The following CSMD3 variants were observed in gnomAD, a reference collection of about 807,000 sequenced individuals.
CSMD3 encodes CUB and Sushi multiple domains 3, also known as CUB and sushi domain-containing protein 3.
CSMD3 carries 177 observed loss-of-function variants against 435.2 expected under a neutral mutation model. That is an observed-to-expected ratio of 0.41 (90% CI 0.36 to 0.46). The LOEUF (loss-of-function observed/expected upper bound fraction) is 0.46, where lower values mean the gene tolerates loss of function less well. Among genes scored for constraint, CSMD3 ranks in the 20% least tolerant of loss-of-function variants. The pLI, the probability that CSMD3 is intolerant of heterozygous loss-of-function variation, is 0.34. For synonymous variants in CSMD3, 1,656 were observed against 1,520.5 expected (o/e 1.09, Z -2.07); for missense variants, 4,265 against 4,504.6 (o/e 0.95, Z 1.52).
At chr8:113,017,618 T>C (rs182206492) in intron 6 of CSMD3, among the ~76,000 whole-genome samples, 2 of 151,808 alleles carry the variant, frequency 1.3e-5, no homozygotes, top group African/African-American at 2.4e-5. Flanking sequence ...CTTAACTAAT[T>C]GTAGAAAGGA....
At position 112,573,604 on chromosome 8, in the gene CSMD3, T is replaced by C; in HGVS notation, c.3939A>G (p.Ala1313=). The C allele has an allele frequency of 6.2e-7, 1 of 1,613,290 alleles. No individual in the cohort carries two copies. The highest frequency in any genetic ancestry group is 1.1e-5 in the South Asian group (1 of 91,076). The part of the protein sequence containing the change: ...TTHLLGAFTG[A]SMRGLTLSST... Reference sequence around the variant, plus strand: ...TACTAAGTGTCAGTCCGCGCATAGATGCACCAGTAAAAGCACCTAGTAGAT... The same window carrying C: ...TACTAAGTGTCAGTCCGCGCATAGACGCACCAGTAAAAGCACCTAGTAGAT... Residue 1313 remains alanine (A), a synonymous_variant, in exon 24 of 71, where the codon GCA becomes GCG. Coordinates refer to ENST00000297405, the MANE Select transcript of CSMD3 (RefSeq NM_198123.2).
intron 22 of CSMD3, among the ~76,000 whole-genome samples, chr8:112,589,830 T>C (rs1291783486): frequency 6.6e-6 from 1 of 152,052 alleles, no homozygotes; most frequent in Non-Finnish European, 1.5e-5. Flanking sequence ...ATCCAACCGG[T>C]AAAGGCGAGT....
At chr8:113,145,793 T>G (rs1007678243) in intron 4 of CSMD3, among the ~76,000 whole-genome samples, 1 of 151,644 alleles carries the variant, frequency 6.6e-6, no homozygotes, top group Admixed American at 6.6e-5. Context: ...TCTTTATGGA[T>G]AAATGAATAT....
chr8:113,003,878 T>C (rs1388353839), intron 6 of CSMD3, among the ~76,000 whole-genome samples: 2 of 152,210 alleles, frequency 1.3e-5, no homozygotes, highest in Non-Finnish European at 2.9e-5. Flanking sequence ...GCTTTGTCAA[T>C]GTATCTCTAT....
intron 31 of CSMD3, among the ~76,000 whole-genome samples, chr8:112,488,978 C>T (rs1820414451): frequency 6.6e-6 from 1 of 151,854 alleles, no homozygotes; most frequent in African/African-American, 2.4e-5. Flanking sequence ...ATATGAGCTA[C>T]TTTTTTATTA....
chr8:112,408,634 C>G (rs1227621270), intron 33 of CSMD3, among the ~76,000 whole-genome samples: 1 of 151,936 alleles, frequency 6.6e-6, no homozygotes, highest in African/African-American at 2.4e-5. Context: ...CATATTGCCT[C>G]ATTCTTCAAA....
chr8:112,525,821 TAAAAA>T (rs200958191), intron 27 of CSMD3, among the ~76,000 whole-genome samples: 1 of 132,520 alleles, frequency 7.5e-6, no homozygotes. Flanking sequence ...CACACACATA[TAAAAA>T]ATATATATAT....
chr8:113,407,617 G>T (rs1451014657), intron 1 of CSMD3, among the ~76,000 whole-genome samples: 1 of 151,758 alleles, frequency 6.6e-6, no homozygotes, highest in Non-Finnish European at 1.5e-5. Context: ...GGTTGCCCTG[G>T]TTTGTAGCAC....
intron 59 of CSMD3, among the ~76,000 whole-genome samples, chr8:112,273,253 CATAA>C (rs1817691061): frequency 6.7e-6 from 1 of 150,046 alleles, no homozygotes; most frequent in South Asian, 2.1e-4. Context: ...GTTATTTATC[CATAA>C]ATAAACAAAA....
At chr8:112,735,903 T>C (rs62516529) in intron 13 of CSMD3, among the ~76,000 whole-genome samples, 1,865 of 152,088 alleles carry the variant, frequency 0.012, 11 homozygotes, top group South Asian at 0.017. Context: ...TCAATGTAAA[T>C]TCTCATTCAT....
intron 2 of CSMD3, among the ~76,000 whole-genome samples, chr8:113,293,799 A>T (rs2093701759): frequency 6.6e-6 from 1 of 152,150 alleles, no homozygotes; most frequent in Admixed American, 6.6e-5. Flanking sequence ...TATGGGTAGA[A>T]AATAATTTTC....
At chr8:112,425,072 G>A (rs150434299) in intron 32 of CSMD3, among the ~76,000 whole-genome samples, 1 of 152,308 alleles carries the variant, frequency 6.6e-6, no homozygotes, top group African/African-American at 2.4e-5. Flanking sequence ...TTACTTCTCA[G>A]TTGTTAGTTG....
chr8:112,545,467 A>C (rs1438534089), intron 27 of CSMD3, among the ~76,000 whole-genome samples: 1 of 125,684 alleles, frequency 8.0e-6, no homozygotes, highest in Non-Finnish European at 1.6e-5. Context: ...TGGGCGACAG[A>C]GCGAGACTCC....
At chr8:112,477,140 A>G (rs1441591219) in intron 31 of CSMD3, among the ~76,000 whole-genome samples, 1 of 152,228 alleles carries the variant, frequency 6.6e-6, no homozygotes, top group African/African-American at 2.4e-5. Context: ...AGAAAAAATT[A>G]CTTAAATTTA....
chr8:112,695,342 C>A (rs13275178), intron 13 of CSMD3, among the ~76,000 whole-genome samples: 31,230 of 152,118 alleles, frequency 0.21, 4,044 homozygotes, highest in Non-Finnish European at 0.3. Flanking sequence ...TTTTATTATA[C>A]TGTCAATATT....
Position 113,352,246 on chromosome 8 carries a change from C to A in CSMD3, c.179-37453G>T, listed in dbSNP as rs186096125. 4.6e-4 allele frequency among the ~76,000 whole-genome samples: 70 copies of A among 152,008 alleles called. 1 individual carries two copies. In the East Asian group the frequency reaches 0.012, roughly 27 times the overall value. ...CCTGCATTGGGATGGTCCCTGAAAC[C>A]TATGATGCGTATGCCTGTAAGAAAC... is the stretch of plus-strand genomic sequence containing the variant. On this transcript the variant is annotated intron_variant, in intron 1 of 70. Coordinates refer to ENST00000297405, the MANE Select transcript of CSMD3 (RefSeq NM_198123.2).
chr8:112,280,175 A>G (rs1336094181), intron 59 of CSMD3, among the ~76,000 whole-genome samples: 1 of 152,166 alleles, frequency 6.6e-6, no homozygotes, highest in Non-Finnish European at 1.5e-5. Flanking sequence ...CCAAACTGCA[A>G]TACAAAAGGC....
chr8:113,102,142 G>T (rs1320905076), intron 4 of CSMD3, among the ~76,000 whole-genome samples: 1 of 151,996 alleles, frequency 6.6e-6, no homozygotes, highest in Non-Finnish European at 1.5e-5. Context: ...ACAGGATAGA[G>T]CCTTCTATTC....
intron 4 of CSMD3, among the ~76,000 whole-genome samples, chr8:113,130,517 G>A (rs553394591): frequency 1.3e-5 from 2 of 152,194 alleles, no homozygotes; most frequent in East Asian, 3.9e-4. Context: ...GGTTTCCTGA[G>A]CCCTCCCAGT....
Sources: gnomAD v4.1 joint callset for allele counts (sites outside exome capture counted in the v4.1 genomes callset) on GRCh38, gnomAD v4.1.1 for gene constraint, MANE v1.5 for transcripts, NCBI Gene and HGNC (gene_info 2026-07-23, HGNC 2026-07-21) for gene names.